RNF135: variants seen among roughly 807,000 people sequenced by gnomAD.
RNF135 encodes the protein E3 ubiquitin-protein ligase RNF135.
In RNF135, 46 loss-of-function variants were observed where a neutral mutation model predicts 41.9. That is an observed-to-expected ratio of 1.10 (90% CI 0.87 to 1.40). RNF135 has a LOEUF of 1.40. RNF135 is among the 40% of genes most tolerant of loss of function. RNF135 has a pLI of 0.00. For synonymous variants in RNF135, 238 were observed against 223.8 expected, an observed-to-expected ratio of 1.06 and a Z score of -0.57; for missense variants, 539 against 549.8, an observed-to-expected ratio of 0.98 and a Z score of 0.20.
rs1380251142 is a variant in RNF135 at position 30,971,117 on chromosome 17, C to T, written c.44C>T (p.Ala15Val). ...GGCTCCGCCGTTCCCGTGTGGCTGG[C>T]CGAGGACGACCTCGGCTGCATCATC... The part of the protein sequence containing the change: ...GLGSAVPVWL[A>V]EDDLGCIICQ... The change falls in exon 1 of 5, where the codon GCC (alanine) becomes GTC (valine). Residue 15 changes from alanine (A) to valine (V), a missense_variant. By Grantham distance (64) the Ala-to-Val change is moderately conservative. Around this residue, in one of 2 missense-constraint regions of RNF135, gnomAD observed 277 missense variants for 212.8 expected, o/e 1.30. Transcript: ENST00000328381. The T allele has an allele frequency of 1.3e-6, 2 of 1,533,614 alleles. No homozygotes were observed. The highest frequency in any genetic ancestry group is 1.7e-6 in the Non-Finnish European group (2 of 1,146,016).
At chr17:30,976,661 G>C (rs552275884) in intron 1 of RNF135, among the ~76,000 whole-genome samples, 2 of 152,202 alleles carry the variant, frequency 1.3e-5, no homozygotes, top group Non-Finnish European at 2.9e-5. Context: ...ATTTACAGTT[G>C]TTATATCTTC....
At chr17:30,995,074 A>G (rs556826422) in intron 3 of RNF135, among the ~76,000 whole-genome samples, 9 of 151,774 alleles carry the variant, frequency 5.9e-5, no homozygotes, top group Non-Finnish European at 1.2e-4. Context: ...ATAGGCCCAC[A>G]CCACCATGCT....
intron 1 of RNF135, among the ~76,000 whole-genome samples, chr17:30,977,898 T>A (rs1906610667): frequency 6.6e-6 from 1 of 152,230 alleles, no homozygotes; most frequent in Admixed American, 6.5e-5. Flanking sequence ...AGTATTCCCT[T>A]TAGCATTTCT....
chr17:30,985,096 A>G (rs1907494402), intron 2 of RNF135, among the ~76,000 whole-genome samples: 1 of 152,030 alleles, frequency 6.6e-6, no homozygotes, highest in Non-Finnish European at 1.5e-5. Context: ...CCACACCTTC[A>G]TTCTTAGCTT....
chr17:30,971,160 C>T lies in RNF135; in HGVS notation c.87C>T (p.Asp29=), dbSNP rs1357363727. The change falls in exon 1 of 5, where the codon GAC becomes GAT. Residue 29 remains aspartate (D), a synonymous_variant. Transcript: ENST00000328381. ...GCATCATCTGCCAGGGGCTGCTGGA[C>T]TGGCCCGCCACGCTGCCCTGCGGCC... is the stretch of plus-strand genomic sequence containing the variant. ...LGCIICQGLL[D]WPATLPCGHS... 2.0e-6 allele frequency: 3 copies of T among 1,532,518 alleles called. No individual in the cohort carries two copies. Among genetic ancestry groups the T allele is most frequent in the Non-Finnish European group, 2.6e-6 (3 of 1,145,450 alleles). 94.9% of individuals were successfully genotyped at this position (1,532,518 alleles called of 1,614,324 possible).
the RNF135 span, among the ~76,000 whole-genome samples, chr17:30,964,303 C>T: frequency 6.2e-5 from 9 of 145,160 alleles, no homozygotes; most frequent in Admixed American, 5.7e-4. Context: ...GCAGGAGAAT[C>T]GCTTGAACCC....
upstream of RNF135, chr17:30,970,965 G>C (rs933230958): frequency 2.1e-6 from 3 of 1,459,784 alleles, no homozygotes; most frequent in Non-Finnish European, 1.8e-6. Flanking sequence ...GAGGAGAAAA[G>C]GCGGCCGAGA....
At chr17:30,972,622 A>G (rs1271099617) in intron 1 of RNF135, 1 of 152,250 alleles carries the variant, frequency 6.6e-6, no homozygotes, top group Non-Finnish European at 1.5e-5. Context: ...TAGATATTTC[A>G]TATAACTGGA....
intron 3 of RNF135, 46 bp downstream of exon 3, chr17:30,988,152 G>T (rs374510388): frequency 1.5e-5 from 23 of 1,585,154 alleles, no homozygotes; most frequent in Middle Eastern, 1.7e-4. Context: ...ATGGAAGTTG[G>T]GGGGAGTAGC....
In RNF135 at chr17:30,993,820, A is replaced by AT. The variant is rs752224365; in HGVS notation, c.680-3415dup. 9.3e-5 allele frequency: 84 copies of AT among 901,632 alleles called. 1 individual carries two copies. Among genetic ancestry groups the AT allele is most frequent in the East Asian group, 5.3e-4 (20 of 37,578 alleles). 55.9% of individuals were successfully genotyped at this position (901,632 alleles called of 1,614,324 possible). On this transcript the variant is annotated intron_variant, in intron 3 of 4. Transcript: ENST00000328381. The stretch of plus-strand genomic sequence containing the variant: ...TTCTGCTGAATTAATTAATTAATTA[A>AT]TTTTTTTATTTTGACACAGGTTCTC...
At chr17:30,968,305 A>T (rs1285407320), upstream of RNF135, among the ~76,000 whole-genome samples, 2 of 151,498 alleles carry the variant, frequency 1.3e-5, no homozygotes, top group African/African-American at 2.4e-5. Context: ...AAAAAAAAAA[A>T]ATCTGATATA....
chr17:30,998,257 G>A (rs1166170078), intron 4 of RNF135, among the ~76,000 whole-genome samples: 6 of 152,206 alleles, frequency 3.9e-5, no homozygotes, highest in African/African-American at 1.4e-4. Context: ...TAATTGTATA[G>A]TCTGGGTGCA....
At chr17:30,966,955 A>T (rs1905574986), upstream of RNF135, among the ~76,000 whole-genome samples, 1 of 152,180 alleles carries the variant, frequency 6.6e-6, no homozygotes. Context: ...TGTGAACAAG[A>T]TTTCTCGGCA....
intron 1 of RNF135, among the ~76,000 whole-genome samples, chr17:30,980,748 C>G (rs1417817847): frequency 7.0e-5 from 10 of 143,640 alleles, no homozygotes; most frequent in Non-Finnish European, 1.4e-4. Context: ...GAGGTGCTCC[C>G]CACATCTCAG....
In RNF135 at chr17:30,987,982, A is replaced by G. The variant is rs1184181970; in HGVS notation, c.555A>G (p.Pro185=). 2 of 1,614,056 alleles carry G rather than the reference A, an allele frequency of 1.2e-6. No individual in the cohort carries two copies. Among genetic ancestry groups the G allele is most frequent in the Admixed American group, 3.3e-5 (2 of 59,998 alleles). Residue 185 remains proline, a synonymous_variant, in exon 3 of 5, where the codon CCA becomes CCG. Coordinates refer to ENST00000328381, the MANE Select transcript of RNF135 (RefSeq NM_032322.4). ...GGGTGGATCTTTCCATGGCTTCTCCAAAGCTGGTGACTTCCGACACAGCTG... is the reference window on the plus strand; with the variant it reads ...GGGTGGATCTTTCCATGGCTTCTCCGAAGCTGGTGACTTCCGACACAGCTG... The part of the protein sequence containing the change: ...SSGVDLSMAS[P]KLVTSDTAAG...
Position 30,984,657 on chromosome 17 carries a change from T to C in RNF135, c.413T>C (p.Leu138Pro), listed in dbSNP as rs1204884039. 6.2e-7 allele frequency: 1 copy of C among 1,614,136 alleles called. No individual in the cohort carries two copies. Among genetic ancestry groups the C allele is most frequent in the Non-Finnish European group, 8.5e-7 (1 of 1,180,024 alleles). The change falls in exon 2 of 5, where the codon CTG (leucine) becomes CCG (proline). Residue 138 changes from leucine to proline, a missense_variant. This residue lies in a region of RNF135 where 277 missense variants were observed against 212.8 expected (regional missense o/e 1.30). Transcript: ENST00000328381. ...EKSITEVAQE[L>P]TELVEHLVDI... ...AGCATCACAGAAGTTGCTCAGGAGC[T>C]GACAGAGCTGGTGGAACATCTTGTA...
At chr17:30,980,274 T>A (rs1906987187) in intron 1 of RNF135, 1 of 102,974 alleles carries the variant, frequency 9.7e-6, no homozygotes, top group Admixed American at 9.9e-5. Context: ...CACTTCCCAG[T>A]AGGGGCGGCC....
chr17:30,974,407 C>G (rs904864335), intron 1 of RNF135, among the ~76,000 whole-genome samples: 28 of 151,990 alleles, frequency 1.8e-4, no homozygotes, highest in Non-Finnish European at 3.8e-4. Context: ...GCAATTCCAT[C>G]TGAATTTGAA....
At chr17:30,993,040 TTTATTATTATTA>T (rs58023443) in intron 3 of RNF135, among the ~76,000 whole-genome samples, 2 of 146,290 alleles carry the variant, frequency 1.4e-5, no homozygotes, top group East Asian at 2.0e-4. Flanking sequence ...GTTTTATTTG[TTTATTATTATTA>T]TTATTATTAT....
Sources: allele counts gnomAD v4.1 joint callset (sites outside exome capture counted in the v4.1 genomes callset), GRCh38; gene constraint gnomAD v4.1.1; regional missense constraint gnomAD v4.1.1; transcripts MANE v1.5; gene names NCBI Gene and HGNC (gene_info 2026-07-23, HGNC 2026-07-21).